SRP19: variants seen among roughly 807,000 people sequenced by gnomAD.
The protein encoded by SRP19 is signal recognition particle 19 kDa protein.
SRP19 carries 11 observed loss-of-function variants against 22.4 expected under a neutral mutation model. The observed-to-expected ratio is 0.49, with a 90% CI of 0.31 to 0.81. The LOEUF is 0.81. SRP19 is among the 40% of genes least tolerant of loss of function. The probability of loss-of-function intolerance (pLI) is 0.05; values close to 1 mark genes in which losing one functional copy is unlikely to be tolerated. For missense variants in SRP19, 168 were observed against 175.9 expected, an observed-to-expected ratio of 0.96 and a Z score of 0.25; for synonymous variants, 61 against 57.6, an observed-to-expected ratio of 1.06 and a Z score of -0.27.
At chr5:112,876,234 A>G (rs918933069) in intron 4 of SRP19, 1 of 152,210 alleles carries the variant, frequency 6.6e-6, no homozygotes, top group African/African-American at 2.4e-5. Context: ...CTGGTAGGCA[A>G]GAACCACCAG....
At chr5:112,889,978 C>A (rs1039812287) in intron 4 of SRP19, among the ~76,000 whole-genome samples, 6 of 150,302 alleles carry the variant, frequency 4.0e-5, no homozygotes, top group African/African-American at 1.5e-4. Context: ...AGGCAAACAC[C>A]ACCATGCCCA....
chr5:112,879,504 C>T (rs573948609), intron 4 of SRP19, among the ~76,000 whole-genome samples: 3 of 152,284 alleles, frequency 2.0e-5, no homozygotes, highest in African/African-American at 4.8e-5. Context: ...GACGGAGTCT[C>T]GCTCTGTCAC....
At chr5:112,861,509 G>C (rs936827269) in intron 1 of SRP19, 92 bp downstream of exon 1, 130 of 1,408,922 alleles carry the variant, frequency 9.2e-5, no homozygotes, top group Non-Finnish European at 1.2e-4. Flanking sequence ...GCGGCCTCCA[G>C]AATGGCCTAG....
At chr5:112,892,864 G>C in exon 5 of SRP19, 2 of 1,613,302 alleles carry the variant, frequency 1.2e-6, no homozygotes, top group African/African-American at 1.3e-5. Context: ...TAGTCATAGG[G>C]GGAAGAAATC....
At chr5:112,891,555 T>C in intron 4 of SRP19, 1 of 1,530,444 alleles carries the variant, frequency 6.5e-7, no homozygotes, top group Non-Finnish European at 8.9e-7. Context: ...ATAAGTAGAA[T>C]CACTGACAGT....
At chr5:112,878,349 C>G (rs1767959799) in intron 4 of SRP19, 1 of 160,346 alleles carries the variant, frequency 6.2e-6, no homozygotes. Context: ...TGTACATGTG[C>G]ACAAATACAT....
intron 4 of SRP19, chr5:112,876,452 G>A (rs1767897269): frequency 6.6e-6 from 1 of 152,124 alleles, no homozygotes; most frequent in Admixed American, 6.6e-5. Flanking sequence ...TTCAGGATAG[G>A]TGATAACAGT....
At chr5:112,874,345 C>G (rs528013940), downstream of SRP19, among the ~76,000 whole-genome samples, 2 of 152,238 alleles carry the variant, frequency 1.3e-5, no homozygotes, top group East Asian at 3.9e-4. Context: ...GGTCTCAACC[C>G]TGGCTCCATA....
chr5:112,862,450 C>T (rs1767438518), intron 1 of SRP19, 58 bp from the exon 2 acceptor site: 1 of 1,510,090 alleles, frequency 6.6e-7, no homozygotes, highest in African/African-American at 1.4e-5. Flanking sequence ...GCCACCCGAC[C>T]CTTTTCTCCT....
rs1767531099 is a variant in SRP19 at position 112,864,673 on chromosome 5, G to C, written c.242G>C (p.Arg81Thr). 1 of 1,614,036 alleles carries C rather than the reference G, an allele frequency of 6.2e-7. No homozygotes were observed. Reference protein sequence around the residue: ...EWNRDVQYRGRVRVQLKQEDG... With the variant: ...EWNRDVQYRGTVRVQLKQEDG... ...AATCGTGATGTCCAATACAGAGGCA[G>C]AGTCCGGGTCCAGCTCAAACAGGAA... The change falls in exon 4 of 5, where the codon AGA (arginine) becomes ACA (threonine). Residue 81 changes from arginine to threonine, a missense_variant. Coordinates refer to ENST00000505459, the MANE Select transcript of SRP19 (RefSeq NM_003135.3).
chr5:112,884,916 A>T (rs818428), intron 4 of SRP19, among the ~76,000 whole-genome samples: 85,254 of 151,804 alleles, frequency 0.56, 26,400 homozygotes, highest in African/African-American at 0.84. Flanking sequence ...TCTCTTCGGT[A>T]TGCTGGTTCA....
At chr5:112,893,094 T>TTAAAAAAAAAA (rs781185558), downstream of SRP19, 63 of 501,466 alleles carry the variant, frequency 1.3e-4, no homozygotes, top group Admixed American at 1.7e-4. Context: ...GTTTTGTTCT[T>TTAAAAAAAAAA]AAAAAAAAAA....
At chr5:112,896,132 A>G (rs469663), downstream of SRP19, 63,202 of 152,608 alleles carry the variant, frequency 0.41, 14,321 homozygotes, top group African/African-American at 0.61. Flanking sequence ...CAGAATAGTT[A>G]CAGGCTACAT....
intron 4 of SRP19, chr5:112,865,253 C>G (rs1325900806): frequency 6.6e-6 from 1 of 152,196 alleles, no homozygotes; most frequent in Non-Finnish European, 1.5e-5. Context: ...TTGAAATGCT[C>G]TGTAAGGAAA....
chr5:112,872,481 A>G (rs1270749732), downstream of SRP19, among the ~76,000 whole-genome samples: 1 of 151,940 alleles, frequency 6.6e-6, no homozygotes, highest in Non-Finnish European at 1.5e-5. Context: ...GCCATGTGTT[A>G]CCATGCCTAG....
intron 4 of SRP19, chr5:112,877,359 A>C (rs1014257890): frequency 1.8e-4 from 28 of 152,204 alleles, no homozygotes; most frequent in African/African-American, 6.8e-4. Flanking sequence ...GTTTAGTTAT[A>C]CACTTGTTTT....
chr5:112,886,445 G>A (rs115156503), intron 4 of SRP19, among the ~76,000 whole-genome samples: 1,810 of 152,228 alleles, frequency 0.012, 9 homozygotes, highest in Middle Eastern at 0.037. Context: ...TTCTCCTCCC[G>A]CTTTTTGGCA....
At chr5:112,890,117 G>A (rs1768389303) in intron 4 of SRP19, among the ~76,000 whole-genome samples, 2 of 150,146 alleles carry the variant, frequency 1.3e-5, no homozygotes, top group Admixed American at 1.3e-4. Context: ...GTGAGCCACC[G>A]CACCCGGCCA....
chr5:112,867,457 A>G lies in SRP19; in HGVS notation c.355A>G (p.Thr119Ala), dbSNP rs747041764. 6.2e-7 allele frequency: 1 copy of G among 1,614,066 alleles called. No homozygotes were observed. Among genetic ancestry groups the G allele is most frequent in the South Asian group, 1.1e-5 (1 of 91,082 alleles). ...AEMIPKLKTR[T>A]QKTGGADQSL... is the part of the protein sequence containing the mutation. Reference sequence around the variant, plus strand: ...AATGATACCTAAACTAAAAACAAGGACACAAAAAACAGGAGGTGCTGACCA... The same window carrying G: ...AATGATACCTAAACTAAAAACAAGGGCACAAAAAACAGGAGGTGCTGACCA... The change falls in exon 5 of 5, where the codon ACA (threonine) becomes GCA (alanine). Residue 119 changes from threonine to alanine, a missense_variant. Coordinates refer to ENST00000505459, the MANE Select transcript of SRP19 (RefSeq NM_003135.3).
Sources: allele counts gnomAD v4.1 joint callset (sites outside exome capture counted in the v4.1 genomes callset), GRCh38; gene constraint gnomAD v4.1.1; transcripts MANE v1.5; gene names NCBI Gene and HGNC (gene_info 2026-07-23, HGNC 2026-07-21).